RBKS: variants seen among roughly 807,000 people sequenced by gnomAD.
The protein encoded by RBKS is ribokinase.
A neutral mutation model predicts 33.9 loss-of-function variants in RBKS; 33 were observed. The observed-to-expected ratio is 0.97, with a 90% CI of 0.74 to 1.30. The LOEUF is 1.30. RBKS is among the 50% of genes most tolerant of loss of function. RBKS has a pLI of 0.00. For synonymous variants in RBKS, 125 were observed against 143.0 expected (o/e 0.87, Z 0.90); for missense variants, 361 against 392.6 (o/e 0.92, Z 0.68).
At chr2:27,786,617 C>A (rs996203893) in intron 7 of RBKS, among the ~76,000 whole-genome samples, 3 of 152,106 alleles carry the variant, frequency 2.0e-5, no homozygotes, top group African/African-American at 4.8e-5. Flanking sequence ...CCCGTCTCTA[C>A]GAAAAATACA....
intron 1 of RBKS, among the ~76,000 whole-genome samples, chr2:27,887,680 CTAA>C (rs1318245927): frequency 1.4e-5 from 2 of 143,140 alleles, no homozygotes; most frequent in Non-Finnish European, 3.1e-5. Flanking sequence ...GATGATTTTA[CTAA>C]TGATTTTGCT....
At position 27,810,584 on chromosome 2, in the gene RBKS, G is replaced by A. The variant is rs191306691; in HGVS notation, c.795+16983C>T. Reference sequence around the variant, plus strand: ...GTAGGTTTTAGCCTTTATGTGAGTCGGAGTAAAAAATATGCTGAAAACCAC... The same window carrying A: ...GTAGGTTTTAGCCTTTATGTGAGTCAGAGTAAAAAATATGCTGAAAACCAC... On this transcript the variant is annotated intron_variant, in intron 7 of 7. Coordinates refer to ENST00000302188, the MANE Select transcript of RBKS (RefSeq NM_022128.3). The surrounding 1 kb of genome is among the most constrained non-coding windows in gnomAD (Gnocchi z 4.4). 3.4e-3 allele frequency among the ~76,000 whole-genome samples: 514 copies of A among 152,218 alleles called. 1 individual carries two copies. Among genetic ancestry groups the A allele is most frequent in the African/African-American group, 0.011 (473 of 41,536 alleles).
intron 7 of RBKS, among the ~76,000 whole-genome samples, chr2:27,783,887 A>G: frequency 7.4e-6 from 1 of 134,952 alleles, no homozygotes; most frequent in African/African-American, 2.7e-5. Flanking sequence ...AGCCTGGGCG[A>G]CAGAGCGAGA....
At chr2:27,882,446 C>T (rs141918229) in intron 1 of RBKS, among the ~76,000 whole-genome samples, 191 of 152,164 alleles carry the variant, frequency 1.3e-3, no homozygotes, top group African/African-American at 4.2e-3. Context: ...GGCAAGGCTG[C>T]GGAGAAAAAG....
At chr2:27,793,276 T>C (rs1271509404) in intron 7 of RBKS, among the ~76,000 whole-genome samples, 1 of 152,168 alleles carries the variant, frequency 6.6e-6, no homozygotes, top group East Asian at 1.9e-4. Context: ...ATGGAGGCAT[T>C]AACACTGCTG....
intron 2 of RBKS, among the ~76,000 whole-genome samples, chr2:27,857,036 T>C (rs1663871114): frequency 6.6e-6 from 1 of 152,232 alleles, no homozygotes; most frequent in African/African-American, 2.4e-5. Flanking sequence ...TTTGACCAAA[T>C]AGCCATGTGA....
intron 1 of RBKS, among the ~76,000 whole-genome samples, chr2:27,874,016 G>A (rs755751238): frequency 9.2e-5 from 14 of 152,136 alleles, no homozygotes; most frequent in Admixed American, 4.6e-4. Context: ...AGAAGGTAAG[G>A]CAAGGCAGAT....
Position 27,858,436 on chromosome 2 carries a change from T to TAGG in RBKS, c.222+2_222+3insCCT. The TAGG allele has an allele frequency of 1.2e-6, 2 of 1,609,784 alleles. No homozygotes were observed. Among genetic ancestry groups the TAGG allele is most frequent in the Non-Finnish European group, 1.7e-6 (2 of 1,178,816 alleles). On this transcript the variant is annotated splice_region_variant and intron_variant, in intron 2 of 7. Coordinates refer to ENST00000302188, the MANE Select transcript of RBKS (RefSeq NM_022128.3). ...AGTCCTCTCCACTATACTTTGTACT[T>TAGG]ACCTTACACACCATGGACGTCATTG... is the stretch of plus-strand genomic sequence containing the variant.
At chr2:27,815,284 T>C (rs1191075034) in intron 7 of RBKS, among the ~76,000 whole-genome samples, 1 of 152,100 alleles carries the variant, frequency 6.6e-6, no homozygotes, top group Non-Finnish European at 1.5e-5. Flanking sequence ...CTCAGCTCAC[T>C]GCAGCCTTGG....
intron 7 of RBKS, among the ~76,000 whole-genome samples, chr2:27,826,619 G>A (rs1573050305): frequency 6.6e-6 from 1 of 152,136 alleles, no homozygotes; most frequent in South Asian, 2.1e-4. Context: ...TGTTGGCCAG[G>A]ATGTTCTCGA....
At chr2:27,787,719 A>G (rs1480396778) in intron 7 of RBKS, among the ~76,000 whole-genome samples, 9 of 152,244 alleles carry the variant, frequency 5.9e-5, no homozygotes. Flanking sequence ...CTTTAAGAAA[A>G]TAGCAGAGCC....
intron 7 of RBKS, among the ~76,000 whole-genome samples, chr2:27,820,581 T>TC (rs1678183558): frequency 1.4e-5 from 2 of 140,448 alleles, no homozygotes; most frequent in African/African-American, 5.3e-5. Flanking sequence ...CTCTCTCTCT[T>TC]TCTTTCTTTT....
At chr2:27,844,425 C>T (rs1331615912) in intron 4 of RBKS, among the ~76,000 whole-genome samples, 1 of 152,094 alleles carries the variant, frequency 6.6e-6, no homozygotes, top group African/African-American at 2.4e-5. Context: ...TGGGGTCTCA[C>T]TCTGTTGCCC....
intron 7 of RBKS, among the ~76,000 whole-genome samples, chr2:27,826,591 T>C (rs1678318242): frequency 6.6e-6 from 1 of 152,024 alleles, no homozygotes; most frequent in Non-Finnish European, 1.5e-5. Flanking sequence ...GTATCTTTAG[T>C]AGAATGGGGT....
At chr2:27,849,559 C>CAAAAAAA (rs70953894) in intron 2 of RBKS, among the ~76,000 whole-genome samples, 298 of 27,832 alleles carry the variant, frequency 0.011, no homozygotes, top group African/African-American at 0.014. Flanking sequence ...GACTCTGTCT[C>CAAAAAAA]AAAAAAAAAA....
rs919720571 is a variant in RBKS, at chr2:27,782,001, G to A, written c.796-213C>T. ...CACTAAAGAAATAATATATTATTAA[G>A]TGAACTTCATACTTTTTTCAGAGTT... On this transcript the variant is annotated intron_variant, in intron 7 of 7. Coordinates refer to ENST00000302188, the MANE Select transcript of RBKS (RefSeq NM_022128.3). 2.6e-4 allele frequency among the ~76,000 whole-genome samples: 40 copies of A among 152,264 alleles called. 1 individual carries two copies. The highest frequency in any genetic ancestry group is 9.4e-4 in the African/African-American group (39 of 41,546).
In RBKS at chr2:27,806,280, T is replaced by C. The variant is rs533758610; in HGVS notation, c.795+21287A>G. Among the ~76,000 whole-genome samples the C allele has an allele frequency of 2.0e-4, 30 of 152,342 alleles. No homozygotes were observed. The East Asian group carries it at 3.9e-3, about 20-fold the overall frequency. On this transcript the variant is annotated intron_variant, in intron 7 of 7. Coordinates refer to ENST00000302188, the MANE Select transcript of RBKS (RefSeq NM_022128.3). ...TACCAGATGAATTGGTAGGCTGAAA[T>C]GGCAGAATCTGAGACACATCCATAA... is the stretch of plus-strand genomic sequence containing the variant.
chr2:27,835,840 A>G (rs1678507398), intron 5 of RBKS, among the ~76,000 whole-genome samples: 1 of 152,130 alleles, frequency 6.6e-6, no homozygotes, highest in African/African-American at 2.4e-5. Context: ...CAAACTAATG[A>G]GCCATTAGTT....
chr2:27,797,495 C>T (rs1677686530), intron 7 of RBKS, among the ~76,000 whole-genome samples: 1 of 152,188 alleles, frequency 6.6e-6, no homozygotes. Context: ...GTCATCTGTG[C>T]AGGAATTCAG....
Sources: allele counts gnomAD v4.1 joint callset (sites outside exome capture counted in the v4.1 genomes callset), GRCh38; gene constraint gnomAD v4.1.1; non-coding constraint Gnocchi (gnomAD v3.1); transcripts MANE v1.5; gene names NCBI Gene and HGNC (gene_info 2026-07-23, HGNC 2026-07-21).